The following SGTA variants were observed in gnomAD, a reference collection of about 807,000 sequenced individuals.
SGTA encodes the protein small glutamine-rich tetratricopeptide repeat-containing protein alpha.
A neutral mutation model predicts 44.3 loss-of-function variants in SGTA; 22 were observed. The ratio of observed to expected loss-of-function variants is 0.50; its 90% CI spans 0.36 to 0.71. The LOEUF is 0.71. Ranked by LOEUF, SGTA falls within the 30% of genes least tolerant of loss-of-function variation. SGTA has a pLI of 0.00. For missense variants in SGTA, 341 were observed against 435.9 expected (o/e 0.78, Z 1.94); for synonymous variants, 174 against 177.6 (o/e 0.98, Z 0.16).
At chr19:2,777,411 G>T (rs1294357248) in intron 1 of SGTA, 1 of 151,886 alleles carries the variant, frequency 6.6e-6, no homozygotes, top group Non-Finnish European at 1.5e-5. Context: ...AATTAGCTGG[G>T]TGTGGTGGCA....
chr19:2,759,870 G>A (rs905891362), intron 8 of SGTA, among the ~76,000 whole-genome samples: 2 of 152,068 alleles, frequency 1.3e-5, no homozygotes, highest in African/African-American at 4.8e-5. Flanking sequence ...TGAGGCACAA[G>A]AATCGCCTGA....
At chr19:2,758,085 G>A (rs192258283) in intron 9 of SGTA, among the ~76,000 whole-genome samples, 1 of 152,270 alleles carries the variant, frequency 6.6e-6, no homozygotes. Context: ...ATTGGGTTAC[G>A]CCAAGACAGG....
Position 2,755,755 on chromosome 19 carries a change from AG to A in SGTA, c.*184del. 1 of 985,520 alleles carries A rather than the reference AG, an allele frequency of 1.0e-6. No homozygotes were observed. The highest frequency in any genetic ancestry group is 1.2e-6 in the Non-Finnish European group (1 of 830,034). The allele number at this position is 985,520 out of a possible 1,614,324, so 61.0% of individuals were successfully genotyped here. A position where few individuals can be genotyped will look rare whatever the true frequency, so the allele number is the denominator to read the frequency against. Reference sequence around the variant, plus strand: ...TTTCAAGAAGGGTCTGGGGGCTGTAAGGGAGTTACAAAAAGGGAGTGGAGGA... The same window carrying A: ...TTTCAAGAAGGGTCTGGGGGCTGTAAGGAGTTACAAAAAGGGAGTGGAGGA... On this transcript the variant is annotated 3_prime_UTR_variant, in exon 12 of 12. Transcript: ENST00000221566. The surrounding 1 kb of genome is among the most constrained non-coding windows in gnomAD (Gnocchi z 5.2).
In SGTA at chr19:2,767,335, C is replaced by G. The variant is rs1915174418; in HGVS notation, c.208-115G>C. 1.2e-6 allele frequency: 1 copy of G among 834,568 alleles called. No homozygotes were observed. Among genetic ancestry groups the G allele is most frequent in the Non-Finnish European group, 1.9e-6 (1 of 526,658 alleles). The allele number at this position is 834,568 out of a possible 1,614,324, so 51.7% of individuals were successfully genotyped here. On this transcript the variant is annotated intron_variant, in intron 3 of 11. Coordinates refer to ENST00000221566, the MANE Select transcript of SGTA (RefSeq NM_003021.4). The surrounding 1 kb of genome is among the most constrained non-coding windows in gnomAD (Gnocchi z 7.3). ...CACCAAGTTCCGAAGGACCCGGGGG[C>G]TCTGCAGGGGACTCCTGGCCCCCCA...
chr19:2,756,559 T>G (rs1444025812), intron 11 of SGTA, among the ~76,000 whole-genome samples: 1 of 151,964 alleles, frequency 6.6e-6, no homozygotes, highest in East Asian at 1.9e-4. Flanking sequence ...AGAGTGTATA[T>G]GAGGAGGGGA....
intron 1 of SGTA, among the ~76,000 whole-genome samples, chr19:2,777,309 CG>C (rs1049084654): frequency 5.3e-5 from 8 of 150,850 alleles, no homozygotes; most frequent in Admixed American, 2.6e-4. Context: ...AGCAGCACTT[CG>C]GGAGGCCAAA....
chr19:2,761,739 G>A lies in SGTA; in HGVS notation c.637-217C>T, dbSNP rs1047669879. Among the ~76,000 whole-genome samples, 3 of 147,678 alleles carry A rather than the reference G, an allele frequency of 2.0e-5. No homozygotes were observed. The highest frequency in any genetic ancestry group is 4.4e-4 in the South Asian group (2 of 4,594). On this transcript the variant is annotated intron_variant, in intron 7 of 11. Transcript: ENST00000221566. This position sits in a 1 kb window ranked among gnomAD's most constrained non-coding sequence, Gnocchi z 5.7. ...TGTTTATTCCCCGCACAGCGCGACC[G>A]CCCGGGGACGGCACAGTCTATCATC...
chr19:2,758,894 A>G (rs1914906820), intron 9 of SGTA, among the ~76,000 whole-genome samples: 1 of 152,196 alleles, frequency 6.6e-6, no homozygotes, highest in African/African-American at 2.4e-5. Context: ...AAGTTCACGC[A>G]GTGTGTGATC....
intron 1 of SGTA, among the ~76,000 whole-genome samples, chr19:2,776,065 T>TCC (rs2144739817): frequency 6.6e-6 from 1 of 152,070 alleles, no homozygotes; most frequent in Non-Finnish European, 1.5e-5. Context: ...GTACGACACA[T>TCC]CAGGGCCCAC....
chr19:2,768,508 C>T (rs1599502781), intron 2 of SGTA, among the ~76,000 whole-genome samples: 1 of 152,194 alleles, frequency 6.6e-6, no homozygotes, highest in African/African-American at 2.4e-5. Context: ...ATCCAGGTGT[C>T]GCAGAAGCGC....
Position 2,763,501 on chromosome 19 carries a change from G to A in SGTA, c.497+152C>T, listed in dbSNP as rs888441052. 1.1e-5 allele frequency: 6 copies of A among 569,752 alleles called. No homozygotes were observed. The highest frequency in any genetic ancestry group is 5.9e-5 in the East Asian group (2 of 34,028). 35.3% of individuals were successfully genotyped at this position (569,752 alleles called of 1,614,324 possible). A position where few individuals can be genotyped will look rare whatever the true frequency, so the allele number is the denominator to read the frequency against. ...TGAGCCTGTGACCTGTAGGGACTAC[G>A]TTGGCTCCGAACAGCTAGTGTCAGA... On this transcript the variant is annotated intron_variant, in intron 6 of 11. Transcript: ENST00000221566. This position sits in a 1 kb window ranked among gnomAD's most constrained non-coding sequence, Gnocchi z 5.8.
intron 1 of SGTA, among the ~76,000 whole-genome samples, chr19:2,776,592 T>A (rs987035770): frequency 6.6e-6 from 1 of 152,036 alleles, no homozygotes; most frequent in African/African-American, 2.4e-5. Flanking sequence ...GATGAGAAAC[T>A]TCTGGAGATG....
In SGTA at chr19:2,765,993, C is replaced by A. The variant is rs1434747673; in HGVS notation, c.293-708G>T. ...CAGCACTTTGGGAGGCCGACGCAGG[C>A]GGATCGCAAGATCAGGAGACCAAGA... On this transcript the variant is annotated intron_variant, in intron 4 of 11. Transcript: ENST00000221566. This position sits in a 1 kb window ranked among gnomAD's most constrained non-coding sequence, Gnocchi z 5.5. Among the ~76,000 whole-genome samples, 1 of 152,130 alleles carries A rather than the reference C, an allele frequency of 6.6e-6. No individual in the cohort carries two copies. Among genetic ancestry groups the A allele is most frequent in the Admixed American group, 6.5e-5 (1 of 15,270 alleles).
chr19:2,771,345 A>G (rs1915297291), intron 1 of SGTA, among the ~76,000 whole-genome samples: 1 of 151,998 alleles, frequency 6.6e-6, no homozygotes, highest in Non-Finnish European at 1.5e-5. Context: ...AATCACTTGA[A>G]CCAGGGAGTT....
chr19:2,771,414 C>T (rs1474271181), intron 1 of SGTA, among the ~76,000 whole-genome samples: 1 of 151,504 alleles, frequency 6.6e-6, no homozygotes, highest in East Asian at 1.9e-4. Flanking sequence ...CAGAGTGAGA[C>T]TCCATGTCAA....
intron 1 of SGTA, among the ~76,000 whole-genome samples, chr19:2,776,577 G>A (rs955215558): frequency 6.6e-6 from 1 of 152,182 alleles, no homozygotes; most frequent in Non-Finnish European, 1.5e-5. Context: ...ATTTCAGCCT[G>A]GGGAGATGAG....
chr19:2,765,866 C>T lies in SGTA; in HGVS notation c.293-581G>A, dbSNP rs922696745. Among the ~76,000 whole-genome samples the T allele has an allele frequency of 2.6e-5, 4 of 152,054 alleles. No homozygotes were observed. Among genetic ancestry groups the T allele is most frequent in the East Asian group, 1.9e-4 (1 of 5,198 alleles). On this transcript the variant is annotated intron_variant, in intron 4 of 11. Transcript: ENST00000221566. The surrounding 1 kb of genome is among the most constrained non-coding windows in gnomAD (Gnocchi z 5.5). The stretch of plus-strand genomic sequence containing the variant: ...GGCGTGGGGGGAAGATGGGTATCAG[C>T]GTGTGTTTCCCTAAACAGTTTTATT...
chr19:2,773,879 ACACGGCCACACGGCAGGGAC>A lies in SGTA; in HGVS notation c.-23-4808_-23-4789del. Among the ~76,000 whole-genome samples the A allele has an allele frequency of 1.3e-4, 9 of 71,018 alleles. 2 individuals carry two copies. Among genetic ancestry groups the A allele is most frequent in the African/African-American group, 1.1e-3 (9 of 8,540 alleles). The allele number at this position is 71,018 out of a possible 152,430, so 46.6% of individuals were successfully genotyped here. A position where few individuals can be genotyped will look rare whatever the true frequency, so the allele number is the denominator to read the frequency against. ...GGGACACCGAGGGCAGAGGTGGGTGACACGGCCACACGGCAGGGACTCCGAGGGCAGAGATGGGTGACGCG... is the reference window on the plus strand; with the variant it reads ...GGGACACCGAGGGCAGAGGTGGGTGATCCGAGGGCAGAGATGGGTGACGCG... On this transcript the variant is annotated intron_variant, in intron 1 of 11. Transcript: ENST00000221566.
intron 1 of SGTA, among the ~76,000 whole-genome samples, chr19:2,781,747 C>T (rs780269487): frequency 3.3e-5 from 5 of 152,070 alleles, no homozygotes; most frequent in Admixed American, 2.0e-4. Context: ...TCTCTCTGCA[C>T]GAAATTGGGT....
Sources: allele counts gnomAD v4.1 joint callset (sites outside exome capture counted in the v4.1 genomes callset), GRCh38; gene constraint gnomAD v4.1.1; non-coding constraint Gnocchi (gnomAD v3.1); transcripts MANE v1.5; gene names NCBI Gene and HGNC (gene_info 2026-07-23, HGNC 2026-07-21).